TCF7L1: variants seen among roughly 807,000 people sequenced by gnomAD.
TCF7L1 encodes the protein transcription factor 7-like 1.
In TCF7L1, 18 loss-of-function variants were observed where a neutral mutation model predicts 63.7. The observed-to-expected ratio is 0.28, with a 90% CI of 0.20 to 0.42. The LOEUF (loss-of-function observed/expected upper bound fraction) is 0.42. Ranked by LOEUF, TCF7L1 falls within the 10% of genes least tolerant of loss-of-function variation. The pLI, the probability that TCF7L1 is intolerant of heterozygous loss-of-function variation, is 1.00. For missense variants in TCF7L1, 654 were observed against 779.3 expected, an observed-to-expected ratio of 0.84 and a Z score of 1.91; for synonymous variants, 355 against 340.9, an observed-to-expected ratio of 1.04 and a Z score of -0.46.
chr2:85,260,080 C>T (rs1680823453), intron 3 of TCF7L1, among the ~76,000 whole-genome samples: 1 of 152,194 alleles, frequency 6.6e-6, no homozygotes, highest in Non-Finnish European at 1.5e-5. Context: ...ATTGCAGCAC[C>T]TGGAACTAAG....
At chr2:85,151,269 A>G (rs1181837462) in intron 3 of TCF7L1, among the ~76,000 whole-genome samples, 1 of 152,120 alleles carries the variant, frequency 6.6e-6, no homozygotes, top group Non-Finnish European at 1.5e-5. Context: ...ACTCCTGTGG[A>G]GTTTTTCACA....
At chr2:85,307,522 C>G (rs1682146722) in intron 10 of TCF7L1, 120 bp from the exon 11 acceptor site, 1 of 784,856 alleles carries the variant, frequency 1.3e-6, no homozygotes. Flanking sequence ...TCTCCACACT[C>G]TCCCTGAGGG....
rs148018338 is a variant in TCF7L1, at chr2:85,171,947, C to T, written c.441+37497C>T. On this transcript the variant is annotated intron_variant, in intron 3 of 11. Transcript: ENST00000282111. ...CCCCCTCCCCCCACACTGCCCTAAA[C>T]ACATCCCGGGTTACTGCCTGAGTCC... Among the ~76,000 whole-genome samples, 3 of 152,154 alleles carry T rather than the reference C, an allele frequency of 2.0e-5. No individual in the cohort carries two copies. The East Asian group carries it at 5.8e-4, about 29-fold the overall frequency.
At chr2:85,174,931 C>T (rs1222415798) in intron 3 of TCF7L1, among the ~76,000 whole-genome samples, 4 of 152,176 alleles carry the variant, frequency 2.6e-5, no homozygotes, top group Admixed American at 1.3e-4. Context: ...TGGACATGAC[C>T]GTCTCAAAGT....
chr2:85,268,815 G>A (rs1308364678), intron 3 of TCF7L1, among the ~76,000 whole-genome samples: 3 of 152,088 alleles, frequency 2.0e-5, no homozygotes, highest in African/African-American at 7.2e-5. Flanking sequence ...AGAGCTTAGG[G>A]GAAGCTAAGC....
intron 3 of TCF7L1, among the ~76,000 whole-genome samples, chr2:85,240,651 C>T (rs908098164): frequency 6.6e-6 from 1 of 151,482 alleles, no homozygotes; most frequent in African/African-American, 2.4e-5. Context: ...GACATGGTGG[C>T]GAGTGCCTGT....
rs988134366 is a variant in TCF7L1, at chr2:85,306,573, C to T, written c.1257+14C>T. Reference sequence around the variant, plus strand: ...CGGGACAACTATGTAAGTGCACACTCTGGGCAGAGGACGCTCAGACCCCAG... The same window carrying T: ...CGGGACAACTATGTAAGTGCACACTTTGGGCAGAGGACGCTCAGACCCCAG... On this transcript the variant is annotated intron_variant, in intron 10 of 11. Transcript: ENST00000282111. This position sits in a 1 kb window ranked among gnomAD's most constrained non-coding sequence, Gnocchi z 4.3. The T allele has an allele frequency of 2.5e-6, 4 of 1,612,064 alleles. No individual in the cohort carries two copies. The South Asian group carries it at 3.3e-5, about 13-fold the overall frequency.
At chr2:85,290,887 G>A (rs1405197153) in intron 4 of TCF7L1, among the ~76,000 whole-genome samples, 1 of 152,206 alleles carries the variant, frequency 6.6e-6, no homozygotes, top group Non-Finnish European at 1.5e-5. Flanking sequence ...TGTCCTTCCA[G>A]CCCACCAGGA....
intron 3 of TCF7L1, among the ~76,000 whole-genome samples, chr2:85,188,374 G>A (rs191116328): frequency 1.3e-5 from 2 of 152,272 alleles, no homozygotes; most frequent in Admixed American, 6.5e-5. Flanking sequence ...TATGCAAGAC[G>A]TTAACATCGG....
At chr2:85,184,821 G>T (rs1213509463) in intron 3 of TCF7L1, among the ~76,000 whole-genome samples, 1 of 152,188 alleles carries the variant, frequency 6.6e-6, no homozygotes, top group Non-Finnish European at 1.5e-5. Flanking sequence ...TTCTACCTGG[G>T]CTAGGTCTTT....
At chr2:85,181,175 G>A (rs7594695) in intron 3 of TCF7L1, among the ~76,000 whole-genome samples, 14,406 of 152,264 alleles carry the variant, frequency 0.095, 735 homozygotes, top group Middle Eastern at 0.14. Flanking sequence ...CGGAGAGCAG[G>A]GAGCACCTGA....
intron 4 of TCF7L1, among the ~76,000 whole-genome samples, chr2:85,287,990 A>C (rs1220154912): frequency 6.6e-6 from 1 of 152,208 alleles, no homozygotes; most frequent in East Asian, 1.9e-4. Flanking sequence ...AAAATGAGCC[A>C]GTGTATTGTA....
intron 3 of TCF7L1, among the ~76,000 whole-genome samples, chr2:85,139,893 A>G (rs1411709061): frequency 2.6e-5 from 4 of 152,192 alleles, no homozygotes; most frequent in African/African-American, 9.7e-5. Flanking sequence ...GAACCATCAG[A>G]AGTTAGGCTG....
intron 3 of TCF7L1, among the ~76,000 whole-genome samples, chr2:85,202,113 T>G (rs753544140): frequency 2.6e-5 from 4 of 151,972 alleles, no homozygotes; most frequent in African/African-American, 4.8e-5. Flanking sequence ...CAGGCACATG[T>G]CACCATGCCC....
chr2:85,225,374 G>T (rs895471883), intron 3 of TCF7L1, among the ~76,000 whole-genome samples: 2 of 152,166 alleles, frequency 1.3e-5, no homozygotes, highest in Non-Finnish European at 2.9e-5. Flanking sequence ...GGGCAGTATG[G>T]CCATTTTCAC....
chr2:85,259,404 T>C (rs1200149323), intron 3 of TCF7L1, among the ~76,000 whole-genome samples: 1 of 152,234 alleles, frequency 6.6e-6, no homozygotes, highest in Non-Finnish European at 1.5e-5. Flanking sequence ...GAAATCTTAG[T>C]GCTCGCTGCT....
intron 3 of TCF7L1, among the ~76,000 whole-genome samples, chr2:85,199,630 G>A (rs1224239611): frequency 2.0e-5 from 3 of 152,200 alleles, no homozygotes; most frequent in Admixed American, 2.0e-4. Context: ...CTCCCCGAGT[G>A]ATTCTAATGG....
At chr2:85,221,418 C>T (rs1435697207) in intron 3 of TCF7L1, among the ~76,000 whole-genome samples, 1 of 152,162 alleles carries the variant, frequency 6.6e-6, no homozygotes, top group African/African-American at 2.4e-5. Context: ...TAACAGCACA[C>T]CACAAACTGG....
intron 3 of TCF7L1, among the ~76,000 whole-genome samples, chr2:85,223,474 G>T (rs978043442): frequency 6.6e-6 from 1 of 152,200 alleles, no homozygotes; most frequent in Admixed American, 6.5e-5. Context: ...CAGCCAAGGG[G>T]GGTTAGAGGG....
Sources: allele counts gnomAD v4.1 joint callset (sites outside exome capture counted in the v4.1 genomes callset), GRCh38; gene constraint gnomAD v4.1.1; non-coding constraint Gnocchi (gnomAD v3.1); transcripts MANE v1.5; gene names NCBI Gene and HGNC (gene_info 2026-07-23, HGNC 2026-07-21).